Variants in PRKD1 observed in about 807,000 individuals in gnomAD.
PRKD1 encodes the protein protein kinase D1.
PRKD1 carries 63 observed loss-of-function variants against 95.9 expected under a neutral mutation model. The observed-to-expected ratio is 0.66, with a 90% CI of 0.54 to 0.81. The LOEUF is 0.81. Among genes scored for constraint, PRKD1 ranks in the 30% least tolerant of loss-of-function variants. The pLI, the probability that PRKD1 is intolerant of heterozygous loss-of-function variation, is 0.00. For synonymous variants in PRKD1, 425 were observed against 423.1 expected, an observed-to-expected ratio of 1.00 and a Z score of -0.05; for missense variants, 1,048 against 1,165.3, an observed-to-expected ratio of 0.90 and a Z score of 1.47.
chr14:29,718,159 C>T (rs11851263), intron 2 of PRKD1, among the ~76,000 whole-genome samples: 17,489 of 152,070 alleles, frequency 0.12, 1,302 homozygotes, highest in African/African-American at 0.21. Flanking sequence ...GGTTAGGCTT[C>T]GTGTCCCCAC....
At chr14:29,623,554 T>A (rs1349901495) in intron 13 of PRKD1, among the ~76,000 whole-genome samples, 1 of 152,182 alleles carries the variant, frequency 6.6e-6, no homozygotes, top group Non-Finnish European at 1.5e-5. Context: ...CTGCTCTATT[T>A]CCCTTTGGTC....
intron 8 of PRKD1, among the ~76,000 whole-genome samples, chr14:29,634,197 TG>T (rs750473263): frequency 8.5e-5 from 13 of 152,216 alleles, no homozygotes; most frequent in Non-Finnish European, 1.9e-4. Flanking sequence ...TCAATGAATT[TG>T]TTTGCCTGAA....
At chr14:29,855,016 G>C (rs1892443862) in intron 1 of PRKD1, among the ~76,000 whole-genome samples, 1 of 152,246 alleles carries the variant, frequency 6.6e-6, no homozygotes. Context: ...TGGATGCCCA[G>C]GCAGAAGTTT....
intron 1 of PRKD1, among the ~76,000 whole-genome samples, chr14:29,751,999 A>G (rs35784769): frequency 0.15 from 22,584 of 152,202 alleles, 1,999 homozygotes; most frequent in South Asian, 0.22. Flanking sequence ...TGAACATTTG[A>G]AGTTCTGACA....
At chr14:29,653,121 T>C (rs557870301) in intron 4 of PRKD1, among the ~76,000 whole-genome samples, 1 of 152,316 alleles carries the variant, frequency 6.6e-6, no homozygotes, top group South Asian at 2.1e-4. Flanking sequence ...TCAGTAAACC[T>C]GTATGAAAAT....
At chr14:29,810,445 G>A (rs566693366) in intron 1 of PRKD1, among the ~76,000 whole-genome samples, 1 of 152,248 alleles carries the variant, frequency 6.6e-6, no homozygotes, top group Non-Finnish European at 1.5e-5. Flanking sequence ...ATTTTCTTAT[G>A]CTAATACTTC....
chr14:29,633,238 T>C (rs1451720146), intron 8 of PRKD1, among the ~76,000 whole-genome samples: 1 of 152,184 alleles, frequency 6.6e-6, no homozygotes, highest in Non-Finnish European at 1.5e-5. Flanking sequence ...GAAAACATCA[T>C]TTTTAAGCTT....
chr14:29,728,363 T>C (rs556215150), intron 1 of PRKD1, among the ~76,000 whole-genome samples: 1 of 152,130 alleles, frequency 6.6e-6, no homozygotes, highest in African/African-American at 2.4e-5. Context: ...TAACTACCCA[T>C]ATAACCAAAA....
chr14:29,916,275 T>C (rs1016450173), intron 1 of PRKD1, among the ~76,000 whole-genome samples: 1 of 152,200 alleles, frequency 6.6e-6, no homozygotes, highest in Non-Finnish European at 1.5e-5. Flanking sequence ...CTACTCCGCT[T>C]GTAAAAAGCA....
chr14:29,771,782 A>G (rs996406964), intron 1 of PRKD1, among the ~76,000 whole-genome samples: 2 of 152,224 alleles, frequency 1.3e-5, no homozygotes, highest in Non-Finnish European at 2.9e-5. Context: ...CAAACTTGAA[A>G]GCCTAACCCT....
chr14:29,672,394 G>A lies in PRKD1; in HGVS notation c.404-6186C>T, dbSNP rs143027927. Among the ~76,000 whole-genome samples the A allele has an allele frequency of 3.8e-3, 569 of 151,522 alleles. 16 individuals carry two copies. Among genetic ancestry groups the A allele is most frequent in the Non-Finnish European group, 1.4e-3 (94 of 67,884 alleles). On this transcript the variant is annotated intron_variant, in intron 2 of 17. Coordinates refer to ENST00000331968, the MANE Select transcript of PRKD1 (RefSeq NM_002742.3). ...AATAAAATAATTAACAATTAGTAAC[G>A]ATTAGCAACATAGGGGAAAATACTA...
chr14:29,912,612 A>G (rs1175509975), intron 1 of PRKD1, among the ~76,000 whole-genome samples: 1 of 152,232 alleles, frequency 6.6e-6, no homozygotes, highest in Non-Finnish European at 1.5e-5. Flanking sequence ...GTACATTCCT[A>G]TTTTGGGACA....
intron 2 of PRKD1, among the ~76,000 whole-genome samples, chr14:29,686,659 C>A (rs1192928932): frequency 1.3e-5 from 2 of 152,186 alleles, no homozygotes; most frequent in East Asian, 3.9e-4. Flanking sequence ...ACTCTACTAG[C>A]CCCCTACCAG....
At chr14:29,780,349 G>A (rs2139166098) in intron 1 of PRKD1, among the ~76,000 whole-genome samples, 1 of 152,276 alleles carries the variant, frequency 6.6e-6, no homozygotes, top group Non-Finnish European at 1.5e-5. Context: ...GAGTGAACAG[G>A]CAACCTACAG....
At chr14:29,920,031 A>AGGAG in intron 1 of PRKD1, among the ~76,000 whole-genome samples, 1 of 134,084 alleles carries the variant, frequency 7.5e-6, no homozygotes, top group South Asian at 2.5e-4. Flanking sequence ...GAAGGAAGGA[A>AGGAG]GGAAGGAAGG....
At chr14:29,850,498 A>T (rs1209132515) in intron 1 of PRKD1, among the ~76,000 whole-genome samples, 1 of 151,748 alleles carries the variant, frequency 6.6e-6, no homozygotes, top group East Asian at 1.9e-4. Context: ...ACACACACAC[A>T]GTACCTAGGA....
intron 2 of PRKD1, among the ~76,000 whole-genome samples, chr14:29,714,593 C>A (rs1885505363): frequency 6.6e-6 from 1 of 152,138 alleles, no homozygotes; most frequent in African/African-American, 2.4e-5. Flanking sequence ...TTTGAACCAG[C>A]AATCCCATTA....
chr14:29,778,545 A>G (rs575990867), intron 1 of PRKD1, among the ~76,000 whole-genome samples: 14 of 152,246 alleles, frequency 9.2e-5, no homozygotes, highest in African/African-American at 3.4e-4. Context: ...TAGAAGAAAT[A>G]GATAAATTCC....
At chr14:29,711,519 G>A (rs928198931) in intron 2 of PRKD1, among the ~76,000 whole-genome samples, 5 of 152,012 alleles carry the variant, frequency 3.3e-5, no homozygotes, top group African/African-American at 1.2e-4. Context: ...TATGAAACGG[G>A]GAGATTCACA....
Sources: allele counts gnomAD v4.1 joint callset (sites outside exome capture counted in the v4.1 genomes callset), GRCh38; gene constraint gnomAD v4.1.1; transcripts MANE v1.5; gene names NCBI Gene and HGNC (gene_info 2026-07-23, HGNC 2026-07-21).